Variants in BMP6 observed in about 807,000 individuals in gnomAD.
BMP6 encodes the protein VG-1-R.
Under a neutral mutation model 54.1 loss-of-function variants are expected in BMP6, and 17 were observed. The observed-to-expected ratio is 0.31, with a 90% CI of 0.22 to 0.47. The LOEUF (loss-of-function observed/expected upper bound fraction) is 0.47, where lower values mean the gene tolerates loss of function less well. BMP6 is among the 20% of genes least tolerant of loss of function. BMP6 has a pLI of 1.00. For missense variants in BMP6, 720 were observed against 690.4 expected, an observed-to-expected ratio of 1.04 and a Z score of -0.48; for synonymous variants, 328 against 291.2, an observed-to-expected ratio of 1.13 and a Z score of -1.28.
intron 1 of BMP6, among the ~76,000 whole-genome samples, chr6:7,825,685 G>A (rs534635491): frequency 1.8e-3 from 269 of 150,838 alleles, no homozygotes; most frequent in Middle Eastern, 6.9e-3. Flanking sequence ...GTGTCATTGC[G>A]CTCCAGCCTG....
intron 1 of BMP6, among the ~76,000 whole-genome samples, chr6:7,775,115 C>T (rs376128602): frequency 1.8e-4 from 28 of 152,322 alleles, no homozygotes; most frequent in East Asian, 3.9e-4. Flanking sequence ...TTAAAGGTCC[C>T]GCCTCTCAAC....
chr6:7,856,376 T>TA (rs1366255435), intron 2 of BMP6, among the ~76,000 whole-genome samples: 1 of 151,974 alleles, frequency 6.6e-6, no homozygotes, highest in African/African-American at 2.4e-5. Flanking sequence ...GGATTTTTTT[T>TA]ACTTTCATTC....
intron 4 of BMP6, among the ~76,000 whole-genome samples, chr6:7,872,335 A>G (rs552052651): frequency 6.6e-6 from 1 of 152,188 alleles, no homozygotes; most frequent in East Asian, 1.9e-4. Flanking sequence ...TCCATGCAGA[A>G]CCCAGGGTAC....
chr6:7,752,911 G>T (rs62386963), intron 1 of BMP6, among the ~76,000 whole-genome samples: 10,902 of 152,080 alleles, frequency 0.072, 539 homozygotes, highest in Admixed American at 0.12. Flanking sequence ...TATCTGCTGG[G>T]CATAATAAAC....
chr6:7,825,536 T>C (rs11755835), intron 1 of BMP6, among the ~76,000 whole-genome samples: 22,240 of 151,668 alleles, frequency 0.15, 2,183 homozygotes, highest in African/African-American at 0.28. Flanking sequence ...GCCTGACCAA[T>C]ATGGTGAAAC....
intron 4 of BMP6, among the ~76,000 whole-genome samples, chr6:7,872,026 C>T (rs546007085): frequency 5.3e-5 from 8 of 152,304 alleles, no homozygotes; most frequent in African/African-American, 1.9e-4. Context: ...GGAGGCTCCT[C>T]TGTCTTGGGT....
At chr6:7,799,806 T>C (rs1758243478) in intron 1 of BMP6, among the ~76,000 whole-genome samples, 1 of 152,058 alleles carries the variant, frequency 6.6e-6, no homozygotes, top group African/African-American at 2.4e-5. Flanking sequence ...CTTTAAAACT[T>C]GAAAGGATTT....
At chr6:7,757,516 T>G (rs917580251) in intron 1 of BMP6, among the ~76,000 whole-genome samples, 61 of 152,350 alleles carry the variant, frequency 4.0e-4, no homozygotes, top group African/African-American at 1.1e-3. Flanking sequence ...CAGTATGACC[T>G]CATCTTAATT....
intron 1 of BMP6, among the ~76,000 whole-genome samples, chr6:7,801,925 T>G (rs746421711): frequency 6.6e-6 from 1 of 152,166 alleles, no homozygotes; most frequent in Non-Finnish European, 1.5e-5. Flanking sequence ...CCGGTCAGCT[T>G]GCTCTAGGTC....
chr6:7,766,926 G>T (rs1757700200), intron 1 of BMP6, among the ~76,000 whole-genome samples: 1 of 151,316 alleles, frequency 6.6e-6, no homozygotes, highest in African/African-American at 2.4e-5. Flanking sequence ...AAATGGATAT[G>T]GAATAGTATA....
chr6:7,779,472 G>A (rs1050521506), intron 1 of BMP6, among the ~76,000 whole-genome samples: 21 of 152,010 alleles, frequency 1.4e-4, no homozygotes, highest in African/African-American at 4.6e-4. Flanking sequence ...CCGAGTAGCT[G>A]GGATTACAGG....
At chr6:7,751,470 C>G (rs765428255) in intron 1 of BMP6, among the ~76,000 whole-genome samples, 1 of 152,188 alleles carries the variant, frequency 6.6e-6, no homozygotes, top group African/African-American at 2.4e-5. Context: ...CTAGCCCATG[C>G]ACCTGAATTT....
chr6:7,877,158 C>G (rs988433939), intron 4 of BMP6, among the ~76,000 whole-genome samples: 1 of 152,066 alleles, frequency 6.6e-6, no homozygotes, highest in African/African-American at 2.4e-5. Flanking sequence ...AATTTCCCTC[C>G]AGGGCTTCTC....
At chr6:7,798,525 A>G (rs982505600) in intron 1 of BMP6, among the ~76,000 whole-genome samples, 6 of 152,182 alleles carry the variant, frequency 3.9e-5, no homozygotes, top group Admixed American at 3.9e-4. Context: ...CAAATGAGCA[A>G]AACCACACTA....
At chr6:7,736,876 C>G (rs1761963560) in intron 1 of BMP6, among the ~76,000 whole-genome samples, 1 of 152,104 alleles carries the variant, frequency 6.6e-6, no homozygotes, top group Admixed American at 6.5e-5. Context: ...TGCTCCCTTA[C>G]AGAGGAAACC....
chr6:7,783,419 G>A (rs1396606966), intron 1 of BMP6, among the ~76,000 whole-genome samples: 1 of 152,182 alleles, frequency 6.6e-6, no homozygotes, highest in Non-Finnish European at 1.5e-5. Context: ...ATTTTTCTGG[G>A]TCTGAAAAGT....
chr6:7,747,854 C>G (rs954887581), intron 1 of BMP6, among the ~76,000 whole-genome samples: 1 of 151,892 alleles, frequency 6.6e-6, no homozygotes, highest in East Asian at 1.9e-4. Context: ...CCATGTTGCC[C>G]AGGCTGGTCA....
chr6:7,875,644 C>T (rs1310604742), intron 4 of BMP6, among the ~76,000 whole-genome samples: 4 of 152,084 alleles, frequency 2.6e-5, no homozygotes, highest in East Asian at 3.9e-4. Flanking sequence ...CTCCAGCTTG[C>T]GTGACAGAGC....
intron 4 of BMP6, 84 bp downstream of exon 4, chr6:7,862,582 G>T: frequency 6.5e-7 from 1 of 1,540,976 alleles, no homozygotes. Flanking sequence ...CTCAGATGTC[G>T]GGCAGCTTCT....
Sources: allele counts gnomAD v4.1 joint callset (sites outside exome capture counted in the v4.1 genomes callset), GRCh38; gene constraint gnomAD v4.1.1; transcripts MANE v1.5; gene names NCBI Gene and HGNC (gene_info 2026-07-23, HGNC 2026-07-21).